The following NFIA variants were observed in gnomAD, a reference collection of about 807,000 sequenced individuals.
The protein encoded by NFIA is nuclear factor 1 A-type.
NFIA carries 8 observed loss-of-function variants against 62.8 expected under a neutral mutation model. The ratio of observed to expected loss-of-function variants is 0.13; its 90% CI spans 0.07 to 0.23. NFIA has a LOEUF of 0.23. Among genes scored for constraint, NFIA ranks in the 10% least tolerant of loss-of-function variants. The pLI is 1.00. For synonymous variants in NFIA, 235 were observed against 238.1 expected, an observed-to-expected ratio of 0.99 and a Z score of 0.12; for missense variants, 410 against 642.1, an observed-to-expected ratio of 0.64 and a Z score of 3.91.
intron 9 of NFIA, 47 bp downstream of exon 9, chr1:61,406,774 C>T: frequency 7.3e-6 from 11 of 1,507,472 alleles, no homozygotes; most frequent in Non-Finnish European, 8.9e-6. Context: ...AAGCTGTATG[C>T]ACTGGAATCC....
intron 2 of NFIA, among the ~76,000 whole-genome samples, chr1:61,167,081 C>T (rs1649624968): frequency 6.6e-6 from 1 of 152,176 alleles, no homozygotes; most frequent in Non-Finnish European, 1.5e-5. Flanking sequence ...GTGGAGGTTG[C>T]AGTGAGCTGA....
intron 7 of NFIA, among the ~76,000 whole-genome samples, chr1:61,397,584 A>G (rs1481774372): frequency 6.6e-6 from 1 of 152,126 alleles, no homozygotes; most frequent in Non-Finnish European, 1.5e-5. Flanking sequence ...TGATCACTTA[A>G]TTGTGTGATC....
intron 2 of NFIA, among the ~76,000 whole-genome samples, chr1:61,098,728 TA>T (rs905121710): frequency 7.2e-5 from 11 of 152,204 alleles, no homozygotes; most frequent in African/African-American, 1.4e-4. Context: ...ACTACAGTTT[TA>T]AAAAAATATT....
At chr1:61,348,465 A>C (rs1237519194) in intron 4 of NFIA, among the ~76,000 whole-genome samples, 1 of 152,194 alleles carries the variant, frequency 6.6e-6, no homozygotes, top group African/African-American at 2.4e-5. Context: ...CACTTTCGGG[A>C]CGTGCCAGGC....
chr1:61,275,392 TA>T (rs1169560464), intron 2 of NFIA, among the ~76,000 whole-genome samples: 2 of 152,064 alleles, frequency 1.3e-5, no homozygotes, highest in East Asian at 1.9e-4. Flanking sequence ...TCAGATTAAA[TA>T]AAAAAAATTT....
chr1:61,083,376 GC>G (rs1293113367), intron 1 of NFIA, among the ~76,000 whole-genome samples: 2 of 152,102 alleles, frequency 1.3e-5, no homozygotes, highest in African/African-American at 4.8e-5. Flanking sequence ...CGCTGCCGCA[GC>G]CCCCCGCCGT....
At chr1:61,451,952 C>T (rs956866038) in intron 10 of NFIA, among the ~76,000 whole-genome samples, 19 of 152,178 alleles carry the variant, frequency 1.2e-4, no homozygotes, top group South Asian at 2.1e-4. Context: ...TCAACCCCAA[C>T]GATCGAATAA....
At chr1:61,391,435 A>AACACACACACACACAC in intron 7 of NFIA, among the ~76,000 whole-genome samples, 1 of 124,600 alleles carries the variant, frequency 8.0e-6, no homozygotes, top group Admixed American at 8.1e-5. Context: ...TTATGAATCA[A>AACACACACACACACAC]ACACACACAC....
intron 6 of NFIA, among the ~76,000 whole-genome samples, chr1:61,370,762 A>G (rs1019978246): frequency 3.3e-5 from 5 of 152,190 alleles, no homozygotes; most frequent in African/African-American, 7.2e-5. Context: ...TATTCAGACA[A>G]TACTCCCACA....
intron 3 of NFIA, among the ~76,000 whole-genome samples, chr1:61,297,729 A>G (rs1294193254): frequency 6.6e-6 from 1 of 152,172 alleles, no homozygotes; most frequent in Non-Finnish European, 1.5e-5. Context: ...TGCACCTAAT[A>G]ACAATGCAGG....
At chr1:61,077,404 G>A (rs1646045581), upstream of NFIA, 2 of 409,304 alleles carry the variant, frequency 4.9e-6, no homozygotes, top group Non-Finnish European at 8.7e-6. Flanking sequence ...GAGAGAGGGA[G>A]AGAGCGCGCC....
chr1:61,291,190 G>C (rs746618404), intron 3 of NFIA, among the ~76,000 whole-genome samples: 30 of 152,278 alleles, frequency 2.0e-4, no homozygotes, highest in Non-Finnish European at 4.1e-4. Context: ...GTTGTTGCAG[G>C]TGCTGCCCGT....
chr1:61,412,893 T>A (rs1188430958), intron 9 of NFIA, among the ~76,000 whole-genome samples: 2 of 152,208 alleles, frequency 1.3e-5, no homozygotes, highest in African/African-American at 4.8e-5. Flanking sequence ...GTAACTGTAC[T>A]TTAAGTTCCA....
At chr1:61,156,782 A>G (rs989412355) in intron 2 of NFIA, among the ~76,000 whole-genome samples, 1 of 152,246 alleles carries the variant, frequency 6.6e-6, no homozygotes, top group African/African-American at 2.4e-5. Flanking sequence ...GCGGTAAATC[A>G]GATGTTGAAG....
chr1:61,308,779 C>G (rs1294249546), intron 3 of NFIA, among the ~76,000 whole-genome samples: 3 of 152,206 alleles, frequency 2.0e-5, no homozygotes. Flanking sequence ...CATAGTAAGT[C>G]TTCAATAAAT....
intron 2 of NFIA, among the ~76,000 whole-genome samples, chr1:61,172,317 T>C (rs1650024985): frequency 6.6e-6 from 1 of 150,968 alleles, no homozygotes; most frequent in Admixed American, 6.6e-5. Flanking sequence ...AGTCAGATAA[T>C]GTGGATATGT....
chr1:61,257,890 T>TC (rs1175978045), intron 2 of NFIA, among the ~76,000 whole-genome samples: 11 of 150,086 alleles, frequency 7.3e-5, no homozygotes, highest in Non-Finnish European at 1.3e-4. Context: ...TTTTTCTTTT[T>TC]TTTTTTTCCT....
chr1:61,302,113 C>T (rs1659525776), intron 3 of NFIA, among the ~76,000 whole-genome samples: 1 of 152,144 alleles, frequency 6.6e-6, no homozygotes, highest in South Asian at 2.1e-4. Flanking sequence ...TTTACCCATG[C>T]AGTGGGCAGA....
chr1:61,406,339 A>G (rs1225605157), intron 8 of NFIA, among the ~76,000 whole-genome samples: 1 of 152,228 alleles, frequency 6.6e-6, no homozygotes, highest in Non-Finnish European at 1.5e-5. Context: ...TTTAGGATGC[A>G]TGGAGCACAT....
Sources: gnomAD v4.1 joint callset for allele counts (sites outside exome capture counted in the v4.1 genomes callset) on GRCh38, gnomAD v4.1.1 for gene constraint, MANE v1.5 for transcripts, NCBI Gene and HGNC (gene_info 2026-07-23, HGNC 2026-07-21) for gene names.